The following CCNI variants were observed in gnomAD, a reference collection of about 807,000 sequenced individuals.
CCNI encodes the protein cyclin-I.
In CCNI, 14 loss-of-function variants were observed where a neutral mutation model predicts 34.1. The ratio of observed to expected loss-of-function variants is 0.41; its 90% CI spans 0.27 to 0.64. The LOEUF (loss-of-function observed/expected upper bound fraction) is 0.64, where lower values mean the gene tolerates loss of function less well. CCNI is among the 30% of genes least tolerant of loss of function. The pLI is 0.31. For synonymous variants in CCNI, 154 were observed against 158.4 expected (o/e 0.97, Z 0.21); for missense variants, 385 against 440.5 (o/e 0.87, Z 1.13).
chr4:77,053,490 A>G (rs1235923193), intron 6 of CCNI, among the ~76,000 whole-genome samples: 1 of 152,222 alleles, frequency 6.6e-6, no homozygotes, highest in Non-Finnish European at 1.5e-5. Context: ...AGCACCAGAA[A>G]ACTTACAAAA....
At position 77,048,199 on chromosome 4, in the gene CCNI, A is replaced by T; in HGVS notation, c.*20T>A. The T allele has an allele frequency of 6.3e-7, 1 of 1,589,766 alleles. No homozygotes were observed. Among genetic ancestry groups the T allele is most frequent in the Non-Finnish European group, 8.6e-7 (1 of 1,162,206 alleles). On this transcript the variant is annotated 3_prime_UTR_variant, in exon 7 of 7. Transcript: ENST00000237654. ...AAGTAGTCTACCTTAGTTTACACTC[A>T]AAGGTAGCACTTGTTGAAACTACAT...
intron 3 of CCNI, among the ~76,000 whole-genome samples, chr4:77,057,081 C>T (rs1393096680): frequency 6.6e-6 from 1 of 152,094 alleles, no homozygotes; most frequent in African/African-American, 2.4e-5. Flanking sequence ...TGTATGTAAA[C>T]ATTTTTTAAA....
At chr4:77,073,587 G>C (rs985795504) in intron 1 of CCNI, among the ~76,000 whole-genome samples, 7 of 152,142 alleles carry the variant, frequency 4.6e-5, no homozygotes, top group African/African-American at 1.7e-4. Context: ...TGAATTAAAG[G>C]TATTTGCAAT....
chr4:77,066,324 A>G lies in CCNI; in HGVS notation c.39T>C (p.Ser13=). Residue 13 remains serine (S), a synonymous_variant, in exon 2 of 7, where the codon TCT becomes TCC. Transcript: ENST00000237654. ...TAGTGATTGCCTTTTCCAACAGGAA[A>G]GACAATCTCTGGTTTTCCAAAGGCC... ...FPGPLENQRL[S]FLLEKAITRE... 1 of 1,614,072 alleles carries G rather than the reference A, an allele frequency of 6.2e-7. No individual in the cohort carries two copies. The highest frequency in any genetic ancestry group is 1.1e-5 in the South Asian group (1 of 91,086).
intron 2 of CCNI, among the ~76,000 whole-genome samples, chr4:77,065,931 C>T (rs1273522594): frequency 1.3e-5 from 2 of 152,210 alleles, no homozygotes; most frequent in Admixed American, 1.3e-4. Flanking sequence ...GAAACCCCAT[C>T]TCTACCAAAA....
rs17002365 is a variant in CCNI, at chr4:77,048,300, A to T, written c.1053T>A (p.Gly351=). ...YNEDNVSENV[G]SVCGTDLSRQ... is the part of the protein sequence containing the mutation. ...TTGATAAATCAGTGCCACACACAGA[A>T]CCCACATTTTCTGAGACATTATCTT... Residue 351 remains glycine, a synonymous_variant, in exon 7 of 7, where the codon GGT becomes GGA. Coordinates refer to ENST00000237654, the MANE Select transcript of CCNI (RefSeq NM_006835.3). 6.2e-7 allele frequency: 1 copy of T among 1,614,072 alleles called. No individual in the cohort carries two copies. The highest frequency in any genetic ancestry group is 8.5e-7 in the Non-Finnish European group (1 of 1,179,994).
At position 77,054,197 on chromosome 4, in the gene CCNI, A is replaced by G. The variant is rs190248772; in HGVS notation, c.690+953T>C. ...GATCAATTATAACTTTCTTAGAAAA[A>G]CACCAAATTCAACTATTATGTTTTT... On this transcript the variant is annotated intron_variant, in intron 6 of 6. Coordinates refer to ENST00000237654, the MANE Select transcript of CCNI (RefSeq NM_006835.3). Among the ~76,000 whole-genome samples the G allele has an allele frequency of 1.6e-3, 241 of 152,308 alleles. 1 individual carries two copies. Among genetic ancestry groups the G allele is most frequent in the African/African-American group, 5.5e-3 (228 of 41,570 alleles).
intron 1 of CCNI, among the ~76,000 whole-genome samples, chr4:77,070,907 C>T (rs1729418438): frequency 6.6e-6 from 1 of 152,150 alleles, no homozygotes; most frequent in African/African-American, 2.4e-5. Flanking sequence ...TTAGAAGAAA[C>T]AGCTATTTGG....
At chr4:77,062,117 G>C (rs150739566) in intron 2 of CCNI, among the ~76,000 whole-genome samples, 1 of 114,772 alleles carries the variant, frequency 8.7e-6, no homozygotes, top group East Asian at 3.1e-4. Context: ...TGACTGGAAC[G>C]CACTCCCTTC....
At chr4:77,067,534 C>T (rs116135781) in intron 1 of CCNI, among the ~76,000 whole-genome samples, 3,916 of 152,150 alleles carry the variant, frequency 0.026, 54 homozygotes, top group Non-Finnish European at 0.041. Context: ...CACTCTGTTG[C>T]CCAGGTTAGA....
intron 2 of CCNI, among the ~76,000 whole-genome samples, chr4:77,064,447 C>A (rs1728863674): frequency 6.6e-6 from 1 of 152,152 alleles, no homozygotes. Flanking sequence ...AATGTCACAA[C>A]ATAAGGGCAG....
chr4:77,063,973 T>C (rs1211498240), intron 2 of CCNI, among the ~76,000 whole-genome samples: 1 of 151,508 alleles, frequency 6.6e-6, no homozygotes. Context: ...TGGGTGTGGT[T>C]GCTCACGCCT....
intron 1 of CCNI, 78 bp from the exon 2 acceptor site, chr4:77,066,483 A>G (rs568795090): frequency 1.9e-6 from 2 of 1,037,848 alleles, no homozygotes; most frequent in African/African-American, 3.3e-5. Flanking sequence ...AGCAACTCAT[A>G]AAACAAAATA....
In CCNI at chr4:77,066,265, T is replaced by C; in HGVS notation, c.98A>G (p.Lys33Arg). The C allele has an allele frequency of 5.0e-6, 8 of 1,614,038 alleles. No individual in the cohort carries two copies. The highest frequency in any genetic ancestry group is 5.9e-6 in the Non-Finnish European group (7 of 1,179,930). Reference sequence around the variant, plus strand: ...AATCATTACCTGATTTGAAGGCATTTTCCGCACATTCACTTTCCACATCTG... The same window carrying C: ...AATCATTACCTGATTTGAAGGCATTCTCCGCACATTCACTTTCCACATCTG... ...EAQMWKVNVR[K>R]MPSNQNVSPS... The change falls in exon 2 of 7, where the codon AAA (lysine) becomes AGA (arginine). Residue 33 changes from lysine (K) to arginine (R), a missense_variant. This residue lies in a region of CCNI where 135 missense variants were observed against 191.8 expected (regional missense o/e 0.70). Coordinates refer to ENST00000237654, the MANE Select transcript of CCNI (RefSeq NM_006835.3).
chr4:77,074,416 T>C (rs1020641183), intron 1 of CCNI, among the ~76,000 whole-genome samples: 8 of 152,224 alleles, frequency 5.3e-5, no homozygotes, highest in Admixed American at 3.9e-4. Flanking sequence ...CTGCCACAAA[T>C]GACCTGGAAA....
Position 77,048,161 on chromosome 4 carries a change from G to T in CCNI, c.*58C>A. ...TCTACAGCCTTTCCTGATTTTGCAT[G>T]TTCTCATTCCCAAAGTAGTCTACCT... On this transcript the variant is annotated 3_prime_UTR_variant, in exon 7 of 7. Transcript: ENST00000237654. 1 of 1,343,878 alleles carries T rather than the reference G, an allele frequency of 7.4e-7. No homozygotes were observed. The allele number at this position is 1,343,878 out of a possible 1,614,324, so 83.2% of individuals were successfully genotyped here.
intron 2 of CCNI, among the ~76,000 whole-genome samples, chr4:77,061,106 C>G (rs1396131129): frequency 3.3e-5 from 5 of 152,138 alleles, no homozygotes. Flanking sequence ...AAAAGCATTC[C>G]TGCATAGCCA....
In CCNI at chr4:77,048,243, A is replaced by G. The variant is rs1268889973; in HGVS notation, c.1110T>C (p.Pro370=). Residue 370 remains proline, a synonymous_variant, in exon 7 of 7, where the codon CCT becomes CCC. Transcript: ENST00000237654. ...ACTACATGACAGAAACAGGCTGCAAAGGTGGACAAGGGGAAGCATGTCCCT... is the reference window on the plus strand; with the variant it reads ...ACTACATGACAGAAACAGGCTGCAAGGGTGGACAAGGGGAAGCATGTCCCT... ...RQEGHASPCP[P]LQPVSVM is the part of the protein sequence containing the mutation. The G allele has an allele frequency of 3.1e-6, 5 of 1,613,770 alleles. No individual in the cohort carries two copies. The Admixed American group carries it at 5.0e-5, about 16-fold the overall frequency.
Position 77,048,457 on chromosome 4 carries a change from G to GGCACTTCTGGCTT in CCNI, c.883_895dup (p.Pro299GlnfsTer28). The GGCACTTCTGGCTT allele has an allele frequency of 6.2e-7, 1 of 1,614,134 alleles. No individual in the cohort carries two copies. The highest frequency in any genetic ancestry group is 8.5e-7 in the Non-Finnish European group (1 of 1,180,010). On this transcript the variant is annotated frameshift_variant, in exon 7 of 7. Coordinates refer to ENST00000237654, the MANE Select transcript of CCNI (RefSeq NM_006835.3). LOFTEE classifies it high-confidence loss of function. The stretch of plus-strand genomic sequence containing the variant: ...GTAAAAGGCTGCTGTACCTCTGACT[G>GGCACTTCTGGCTT]GCACTTCTGGCTTGCTGTTGTCCTT...
Sources: allele counts gnomAD v4.1 joint callset (sites outside exome capture counted in the v4.1 genomes callset), GRCh38; gene constraint gnomAD v4.1.1; regional missense constraint gnomAD v4.1.1; transcripts MANE v1.5; gene names NCBI Gene and HGNC (gene_info 2026-07-23, HGNC 2026-07-21).